Variants in TRIM37 observed in about 807,000 individuals in gnomAD.
TRIM37 encodes tripartite motif containing 37.
A neutral mutation model predicts 129.8 loss-of-function variants in TRIM37; 80 were observed. That is an observed-to-expected ratio of 0.62 (90% confidence interval 0.51 to 0.74). The LOEUF (loss-of-function observed/expected upper bound fraction) is 0.74. Ranked by LOEUF, TRIM37 falls within the 30% of genes least tolerant of loss-of-function variation. The pLI, the probability that TRIM37 is intolerant of heterozygous loss-of-function variation, is 0.00. For synonymous variants in TRIM37, 389 were observed against 387.1 expected, an observed-to-expected ratio of 1.00 and a Z score of -0.06; for missense variants, 1,054 against 1,176.5, an observed-to-expected ratio of 0.90 and a Z score of 1.52.
intron 19 of TRIM37, among the ~76,000 whole-genome samples, chr17:59,021,367 C>T (rs1004088796): frequency 6.6e-6 from 1 of 152,010 alleles, no homozygotes; most frequent in African/African-American, 2.4e-5. Flanking sequence ...TGCACTCCAG[C>T]CTGGGCAACA....
chr17:59,051,794 G>A (rs1028411099), intron 13 of TRIM37, among the ~76,000 whole-genome samples: 2 of 151,752 alleles, frequency 1.3e-5, no homozygotes, highest in Admixed American at 6.6e-5. Context: ...GCAGTGGCGG[G>A]ATCTCGGCTC....
chr17:59,063,703 T>C (rs2041693743), intron 10 of TRIM37, among the ~76,000 whole-genome samples: 1 of 152,234 alleles, frequency 6.6e-6, no homozygotes, highest in South Asian at 2.1e-4. Flanking sequence ...TGGCCCCTTA[T>C]CCACAATTCT....
the TRIM37 span, chr17:58,969,829 C>A: frequency 9.1e-7 from 1 of 1,094,578 alleles, no homozygotes; most frequent in Non-Finnish European, 1.3e-6. Context: ...TCTGGGCAGA[C>A]ATTATCCAAA....
chr17:58,999,998 A>G (rs2033481162), intron 23 of TRIM37, among the ~76,000 whole-genome samples: 1 of 152,220 alleles, frequency 6.6e-6, no homozygotes, highest in African/African-American at 2.4e-5. Flanking sequence ...AGCACCAGGA[A>G]AATATGCAAA....
At chr17:59,096,491 G>C (rs1438008617) in intron 2 of TRIM37, among the ~76,000 whole-genome samples, 1 of 144,558 alleles carries the variant, frequency 6.9e-6, no homozygotes, top group Non-Finnish European at 1.5e-5. Flanking sequence ...GGCAGAGGTT[G>C]CAATGAGCCA....
the TRIM37 span, chr17:58,969,842 G>C: frequency 5.1e-6 from 5 of 983,608 alleles, no homozygotes; most frequent in Non-Finnish European, 7.4e-6. Context: ...TATCCAAACT[G>C]TATTCTTGAC....
chr17:58,967,252 A>G, the TRIM37 span, among the ~76,000 whole-genome samples: 4 of 152,186 alleles, frequency 2.6e-5, no homozygotes, highest in South Asian at 8.3e-4. Context: ...AAATGCAGAA[A>G]AGTCTTAGGC....
chr17:59,014,742 C>G lies in TRIM37; in HGVS notation c.2576+868G>C, dbSNP rs73317231. Among the ~76,000 whole-genome samples, 64 of 151,716 alleles carry G rather than the reference C, an allele frequency of 4.2e-4. No homozygotes were observed. In the Middle Eastern group the frequency reaches 0.01, roughly 24 times the overall value. ...AAAAAAAAAAAAGGCTGACCGCCCC[C>G]CTACCGCCAACACATACAAATTTAC... On this transcript the variant is annotated intron_variant, in intron 21 of 23. Coordinates refer to ENST00000262294, the MANE Select transcript of TRIM37 (RefSeq NM_015294.6).
chr17:59,056,697 CA>C (rs1771058124), intron 13 of TRIM37, among the ~76,000 whole-genome samples, 177 bp downstream of exon 13: 1 of 88,988 alleles, frequency 1.1e-5, no homozygotes, highest in Non-Finnish European at 2.1e-5. Flanking sequence ...GCCAGGGCGA[CA>C]GAGCGAGACT....
rs1361140378 is a variant in TRIM37, at chr17:59,001,412, T to C, written c.2812+186A>G. 2.8e-5 allele frequency among the ~76,000 whole-genome samples: 4 copies of C among 142,248 alleles called. No individual in the cohort carries two copies. The Admixed American group carries it at 2.8e-4, about 10-fold the overall frequency. The allele number at this position is 142,248 out of a possible 152,430, so 93.3% of individuals were successfully genotyped here. On this transcript the variant is annotated intron_variant, in intron 23 of 23. Coordinates refer to ENST00000262294, the MANE Select transcript of TRIM37 (RefSeq NM_015294.6). Reference sequence around the variant, plus strand: ...GGCTGTGTTTTTTTAGTACTCACCATAATAGTTAACCAAAGAATGTTGTCT... The same window carrying C: ...GGCTGTGTTTTTTTAGTACTCACCACAATAGTTAACCAAAGAATGTTGTCT...
chr17:58,971,939 A>G, the TRIM37 span, among the ~76,000 whole-genome samples: 3 of 152,270 alleles, frequency 2.0e-5, no homozygotes, highest in African/African-American at 7.2e-5. Context: ...AGGTGGACTT[A>G]TGTGTGTATA....
chr17:58,996,770 A>T (rs954275620), downstream of TRIM37, among the ~76,000 whole-genome samples: 2 of 146,818 alleles, frequency 1.4e-5, no homozygotes, highest in Non-Finnish European at 3.0e-5. Flanking sequence ...CTCCATCAAA[A>T]AAAAAAAAAA....
intron 4 of TRIM37, among the ~76,000 whole-genome samples, chr17:59,087,394 C>T (rs533315461): frequency 4.6e-5 from 7 of 151,846 alleles, no homozygotes; most frequent in Admixed American, 6.6e-5. Flanking sequence ...CACACCCGCC[C>T]GAATAGTAGG....
intron 13 of TRIM37, among the ~76,000 whole-genome samples, chr17:59,055,417 C>G (rs984663788): frequency 6.6e-6 from 1 of 150,922 alleles, no homozygotes; most frequent in Non-Finnish European, 1.5e-5. Flanking sequence ...CTAAATGGGC[C>G]GGGCGCAGTG....
chr17:59,005,078 G>A (rs1304011397), intron 22 of TRIM37, among the ~76,000 whole-genome samples: 1 of 152,110 alleles, frequency 6.6e-6, no homozygotes, highest in African/African-American at 2.4e-5. Flanking sequence ...GGCCCTTCAT[G>A]GAACTGTTGC....
At chr17:59,010,084 C>A (rs1013124182) in intron 22 of TRIM37, among the ~76,000 whole-genome samples, 2 of 152,190 alleles carry the variant, frequency 1.3e-5, no homozygotes, top group African/African-American at 4.8e-5. Context: ...CCTAGCATAC[C>A]TGAGAGCTAC....
intron 4 of TRIM37, among the ~76,000 whole-genome samples, chr17:59,086,561 C>A (rs183349978): frequency 6.6e-6 from 1 of 152,170 alleles, no homozygotes; most frequent in East Asian, 1.9e-4. Context: ...TTTCAAAAAG[C>A]ATTTCATTGA....
chr17:59,095,721 G>A (rs776414749), intron 2 of TRIM37, among the ~76,000 whole-genome samples: 17 of 151,926 alleles, frequency 1.1e-4, no homozygotes, highest in Non-Finnish European at 1.9e-4. Flanking sequence ...ATACTTTCTG[G>A]GGTTGTTTTT....
chr17:58,991,381 C>A (rs916656491), intron 24 of TRIM37, among the ~76,000 whole-genome samples: 16 of 151,160 alleles, frequency 1.1e-4, no homozygotes, highest in African/African-American at 3.9e-4. Context: ...ACTAAAAATA[C>A]AAAAATTAGC....
Sources: allele counts gnomAD v4.1 joint callset (sites outside exome capture counted in the v4.1 genomes callset), GRCh38; gene constraint gnomAD v4.1.1; transcripts MANE v1.5; gene names NCBI Gene and HGNC (gene_info 2026-07-23, HGNC 2026-07-21).